SPAG1: variants seen among roughly 807,000 people sequenced by gnomAD.
SPAG1 encodes the protein sperm associated antigen 1, also known as sperm-associated antigen 1.
A neutral mutation model predicts 100.5 loss-of-function variants in SPAG1; 69 were observed. The ratio of observed to expected loss-of-function variants is 0.69; its 90% CI spans 0.57 to 0.84. The LOEUF is 0.84. Ranked by LOEUF, SPAG1 falls within the 40% of genes least tolerant of loss-of-function variation. SPAG1 has a pLI of 0.00. For synonymous variants in SPAG1, 336 were observed against 411.6 expected (o/e 0.82, Z 2.22); for missense variants, 955 against 1,133.1 (o/e 0.84, Z 2.26).
At chr8:100,169,813 A>ATATT (rs1176692506) in intron 3 of SPAG1, among the ~76,000 whole-genome samples, 2 of 151,812 alleles carry the variant, frequency 1.3e-5, no homozygotes, top group Admixed American at 1.3e-4. Flanking sequence ...TTTATTTTTT[A>ATATT]TATTTATTTA....
At chr8:100,190,669 T>C (rs1454716300) in intron 8 of SPAG1, among the ~76,000 whole-genome samples, 30 of 144,900 alleles carry the variant, frequency 2.1e-4, no homozygotes, top group African/African-American at 1.0e-4. Context: ...TTTTCTTTTT[T>C]TTTTTTTTTT....
chr8:100,207,389 G>C (rs1395429811), intron 10 of SPAG1, among the ~76,000 whole-genome samples: 1 of 152,194 alleles, frequency 6.6e-6, no homozygotes, highest in African/African-American at 2.4e-5. Context: ...CCTGTGATCA[G>C]TTGACAGACT....
At chr8:100,169,478 G>A (rs190874390) in intron 3 of SPAG1, among the ~76,000 whole-genome samples, 199 of 152,296 alleles carry the variant, frequency 1.3e-3, no homozygotes, top group African/African-American at 4.7e-3. Context: ...AGTGGCTCAC[G>A]CCTATAATCC....
intron 10 of SPAG1, among the ~76,000 whole-genome samples, chr8:100,212,721 C>A (rs564092715): frequency 2.6e-5 from 4 of 152,310 alleles, no homozygotes; most frequent in African/African-American, 9.6e-5. Context: ...CAAGTTTTTG[C>A]AACTCCATTC....
intron 11 of SPAG1, 42 bp from the exon 12 acceptor site, chr8:100,213,777 G>T: frequency 1.6e-6 from 2 of 1,252,966 alleles, no homozygotes; most frequent in Non-Finnish European, 2.3e-6. Flanking sequence ...CTGTGATCTT[G>T]CTAATGGATT....
chr8:100,184,504 TTTTG>T (rs1586429007), intron 6 of SPAG1, 120 bp from the exon 7 acceptor site: 1 of 512,546 alleles, frequency 2.0e-6, no homozygotes, highest in Non-Finnish European at 3.3e-6. Context: ...TTTTATTTTC[TTTTG>T]TTTATTTTAT....
intron 13 of SPAG1, among the ~76,000 whole-genome samples, chr8:100,222,575 TCA>T (rs1818332068): frequency 6.6e-6 from 1 of 152,146 alleles, no homozygotes; most frequent in Non-Finnish European, 1.5e-5. Flanking sequence ...TAAGATCTTC[TCA>T]CAGTGTTAGA....
chr8:100,172,262 C>G (rs1815893062), intron 3 of SPAG1, among the ~76,000 whole-genome samples: 1 of 152,104 alleles, frequency 6.6e-6, no homozygotes, highest in Non-Finnish European at 1.5e-5. Context: ...AAGGTTTTCT[C>G]TCCACCAGAT....
intron 4 of SPAG1, among the ~76,000 whole-genome samples, chr8:100,180,754 T>C (rs1330386365): frequency 2.0e-5 from 3 of 152,358 alleles, no homozygotes; most frequent in African/African-American, 4.8e-5. Context: ...TTTGGTGATA[T>C]GGAACTTGAG....
rs2132443395 is a variant in SPAG1 at position 100,239,372 on chromosome 8, G to T, written c.2248G>T (p.Glu750Ter). 6.2e-7 allele frequency: 1 copy of T among 1,606,172 alleles called. No homozygotes were observed. The highest frequency in any genetic ancestry group is 8.5e-7 in the Non-Finnish European group (1 of 1,173,116). Residue 750 changes from glutamate to a stop codon, truncating the protein, a stop_gained, in exon 17 of 19, where the codon GAA (glutamate) becomes TAA (stop). Transcript: ENST00000388798. LOFTEE classifies it high-confidence loss of function. This position sits in a 1 kb window ranked among gnomAD's most constrained non-coding sequence, Gnocchi z 5.0. ...LKDKTAPFNK[E>*]KERRKIEIQE... Reference sequence around the variant, plus strand: ...GGATAAGACAGCACCATTCAACAAAGAAAAGGAGAGAAGGAAAATTGAGAT... The same window carrying T: ...GGATAAGACAGCACCATTCAACAAATAAAAGGAGAGAAGGAAAATTGAGAT...
Position 100,191,461 on chromosome 8 carries a change from G to C in SPAG1, c.904G>C (p.Val302Leu). Residue 302 changes from valine to leucine, a missense_variant, in exon 9 of 19, where the codon GTA (valine) becomes CTA (leucine). By Grantham distance (32) the Val-to-Leu change is conservative. Coordinates refer to ENST00000388798, the MANE Select transcript of SPAG1 (RefSeq NM_003114.5). ...GGAAGCTACAGAAGATTTGAGTAAA[G>C]TACTAGATGTTGAGCCTGATAATGA... ...LREATEDLSK[V>L]LDVEPDNDLA... 1 of 1,613,724 alleles carries C rather than the reference G, an allele frequency of 6.2e-7. No individual in the cohort carries two copies. The highest frequency in any genetic ancestry group is 8.5e-7 in the Non-Finnish European group (1 of 1,179,676).
chr8:100,236,372 G>A (rs1275424876), intron 16 of SPAG1, among the ~76,000 whole-genome samples: 5 of 152,162 alleles, frequency 3.3e-5, no homozygotes, highest in Non-Finnish European at 7.4e-5. Context: ...TTAAACCCCT[G>A]GCCTCAAGCA....
intron 3 of SPAG1, among the ~76,000 whole-genome samples, chr8:100,166,404 G>A (rs908453897): frequency 1.3e-5 from 2 of 151,994 alleles, no homozygotes; most frequent in African/African-American, 4.8e-5. Flanking sequence ...GATTACAGGT[G>A]CATGCCACCA....
At chr8:100,202,045 C>G (rs1817298880) in intron 10 of SPAG1, among the ~76,000 whole-genome samples, 1 of 152,150 alleles carries the variant, frequency 6.6e-6, no homozygotes, top group African/African-American at 2.4e-5. Context: ...GAGTAGGAGA[C>G]AGCCTTGGGG....
intron 10 of SPAG1, among the ~76,000 whole-genome samples, chr8:100,198,783 G>A (rs1390126458): frequency 1.3e-5 from 2 of 152,022 alleles, no homozygotes; most frequent in Non-Finnish European, 2.9e-5. Flanking sequence ...GGCAGTTACT[G>A]CCCATTTTAC....
At chr8:100,192,065 G>A (rs1816840202) in intron 9 of SPAG1, among the ~76,000 whole-genome samples, 1 of 152,122 alleles carries the variant, frequency 6.6e-6, no homozygotes, top group Non-Finnish European at 1.5e-5. Flanking sequence ...TGAGCTTCAC[G>A]TTCATGTCAG....
At chr8:100,162,984 T>TA (rs984084063) in intron 2 of SPAG1, among the ~76,000 whole-genome samples, 1 of 151,276 alleles carries the variant, frequency 6.6e-6, no homozygotes, top group Non-Finnish European at 1.5e-5. Flanking sequence ...ATAAAAAAAA[T>TA]AAAAAAAGCT....
chr8:100,199,444 T>G (rs1441870346), intron 10 of SPAG1, among the ~76,000 whole-genome samples: 1 of 152,166 alleles, frequency 6.6e-6, no homozygotes, highest in Non-Finnish European at 1.5e-5. Flanking sequence ...TTCTTTGCCT[T>G]TTTTTTGTTG....
chr8:100,210,864 G>C (rs1288688851), intron 10 of SPAG1, among the ~76,000 whole-genome samples: 1 of 149,424 alleles, frequency 6.7e-6, no homozygotes, highest in Non-Finnish European at 1.5e-5. Flanking sequence ...GTTTTGCCCT[G>C]TCGCCCAGGG....
Sources: gnomAD v4.1 joint callset for allele counts (sites outside exome capture counted in the v4.1 genomes callset) on GRCh38, gnomAD v4.1.1 for gene constraint, Gnocchi (gnomAD v3.1) non-coding constraint, MANE v1.5 for transcripts, NCBI Gene and HGNC (gene_info 2026-07-23, HGNC 2026-07-21) for gene names.